TNIK: variants seen among roughly 807,000 people sequenced by gnomAD.
TNIK encodes TRAF2 and NCK-interacting protein kinase.
In TNIK, 49 loss-of-function variants were observed where a neutral mutation model predicts 191.3. The observed-to-expected ratio is 0.26, with a 90% CI of 0.20 to 0.32. The LOEUF is 0.32. Among genes scored for constraint, TNIK ranks in the 10% least tolerant of loss-of-function variants. TNIK has a pLI of 1.00. For synonymous variants in TNIK, 594 were observed against 600.9 expected (o/e 0.99, Z 0.17); for missense variants, 1,155 against 1,702.3 (o/e 0.68, Z 5.66).
chr3:171,171,875 G>C (rs1735333749), intron 9 of TNIK, among the ~76,000 whole-genome samples: 1 of 152,170 alleles, frequency 6.6e-6, no homozygotes, highest in African/African-American at 2.4e-5. Context: ...GAGGTAGAGG[G>C]TGAGAGTATC....
At chr3:171,120,109 T>C (rs1452885157) in intron 18 of TNIK, among the ~76,000 whole-genome samples, 1 of 152,168 alleles carries the variant, frequency 6.6e-6, no homozygotes, top group Non-Finnish European at 1.5e-5. Flanking sequence ...TGCATACTGA[T>C]CATTTTAATT....
chr3:171,167,148 C>A lies in TNIK; in HGVS notation c.896G>T (p.Arg299Leu), dbSNP rs746542637. ...ATCAATATGGTCCTTGAGTTGAATG[C>A]GGACCTGTCGCTCATTAGGTTGGTC... ...IRDQPNERQV[R>L]IQLKDHIDRT... Residue 299 changes from arginine to leucine, a missense_variant, in exon 10 of 33, where the codon CGC (arginine) becomes CTC (leucine). Physicochemically the swap from Arg to Leu is moderately radical, Grantham distance 102 (BLOSUM62 -2). This residue lies in a region of TNIK where 225 missense variants were observed against 438.9 expected (regional missense o/e 0.51). Transcript: ENST00000436636. 2 of 1,613,668 alleles carry A rather than the reference C, an allele frequency of 1.2e-6. No homozygotes were observed. The highest frequency in any genetic ancestry group is 1.3e-5 in the African/African-American group (1 of 74,906).
chr3:171,392,203 T>A (rs1233670570), intron 1 of TNIK, among the ~76,000 whole-genome samples: 1 of 152,136 alleles, frequency 6.6e-6, no homozygotes, highest in Non-Finnish European at 1.5e-5. Flanking sequence ...CAGGAAATAC[T>A]GGGAAATAGG....
rs1378480630 is a variant in TNIK at position 171,063,983 on chromosome 3, A to T, written c.4000-19T>A. 3.7e-6 allele frequency: 6 copies of T among 1,611,156 alleles called. No homozygotes were observed. The African/African-American group carries it at 5.3e-5, about 14-fold the overall frequency. ...AAAATACCTGTTTGAAATTAAAAAG[A>T]AGTTAGTTCAACTGCATGGTCTTTT... is the stretch of plus-strand genomic sequence containing the variant. On this transcript the variant is annotated intron_variant, in intron 32 of 32. Coordinates refer to ENST00000436636, the MANE Select transcript of TNIK (RefSeq NM_015028.4).
At chr3:171,375,912 A>G (rs774409119) in intron 1 of TNIK, among the ~76,000 whole-genome samples, 1 of 152,132 alleles carries the variant, frequency 6.6e-6, no homozygotes, top group Non-Finnish European at 1.5e-5. Flanking sequence ...CTGTGACAGA[A>G]TCTTTTACTT....
At chr3:171,288,918 C>G (rs1385162336) in intron 2 of TNIK, among the ~76,000 whole-genome samples, 1 of 151,078 alleles carries the variant, frequency 6.6e-6, no homozygotes, top group Non-Finnish European at 1.5e-5. Context: ...GAAATGAAAT[C>G]TTTTTGAAAA....
chr3:171,161,911 C>T (rs1025527040), intron 10 of TNIK, among the ~76,000 whole-genome samples: 1 of 151,942 alleles, frequency 6.6e-6, no homozygotes, highest in African/African-American at 2.4e-5. Context: ...CAGAGCGAGG[C>T]CCTGTCTCAA....
chr3:171,229,803 A>T (rs945425709), intron 2 of TNIK, among the ~76,000 whole-genome samples: 3 of 152,092 alleles, frequency 2.0e-5, no homozygotes, highest in Non-Finnish European at 2.9e-5. Context: ...AGCACAAAGA[A>T]GGGGACAGTA....
intron 2 of TNIK, among the ~76,000 whole-genome samples, chr3:171,339,152 C>T (rs986429788): frequency 1.3e-5 from 2 of 152,318 alleles, no homozygotes; most frequent in Middle Eastern, 6.8e-3. Flanking sequence ...AGTTACCTCC[C>T]ATCTCCTACA....
intron 2 of TNIK, among the ~76,000 whole-genome samples, chr3:171,337,107 T>C (rs1046040723): frequency 2.6e-5 from 4 of 152,074 alleles, no homozygotes; most frequent in African/African-American, 9.7e-5. Flanking sequence ...CAACCAAACA[T>C]GAAAGAGAAC....
intron 1 of TNIK, among the ~76,000 whole-genome samples, chr3:171,448,783 G>C (rs1262291769): frequency 6.6e-6 from 1 of 151,824 alleles, no homozygotes; most frequent in Non-Finnish European, 1.5e-5. Flanking sequence ...TTTGAGTTCC[G>C]GGATACATGT....
chr3:171,323,052 A>G (rs1203718389), intron 2 of TNIK, among the ~76,000 whole-genome samples: 1 of 145,114 alleles, frequency 6.9e-6, no homozygotes, highest in Non-Finnish European at 1.5e-5. Flanking sequence ...TTTAATTGGA[A>G]CACAGCCATT....
At chr3:171,211,641 G>A (rs192019078) in intron 3 of TNIK, among the ~76,000 whole-genome samples, 54 of 152,252 alleles carry the variant, frequency 3.5e-4, no homozygotes, top group South Asian at 8.3e-4. Flanking sequence ...TATTAAAACC[G>A]TGGGCGCTCA....
intron 21 of TNIK, among the ~76,000 whole-genome samples, chr3:171,103,244 C>T (rs1192247447): frequency 1.3e-5 from 2 of 151,924 alleles, no homozygotes; most frequent in African/African-American, 4.8e-5. Context: ...GTATTTGCTC[C>T]ATCTGTGAAA....
At chr3:171,125,872 T>G in intron 17 of TNIK, 40 bp downstream of exon 17, 1 of 1,605,318 alleles carries the variant, frequency 6.2e-7, no homozygotes, top group Non-Finnish European at 8.5e-7. Flanking sequence ...AAATCATCAG[T>G]GATGCTGGTG....
chr3:171,305,317 T>G (rs1171759213), intron 2 of TNIK, among the ~76,000 whole-genome samples: 2 of 152,042 alleles, frequency 1.3e-5, no homozygotes, highest in East Asian at 3.9e-4. Flanking sequence ...AAGAAAATAT[T>G]TCATCTGGGC....
chr3:171,378,872 T>A (rs961839270), intron 1 of TNIK, among the ~76,000 whole-genome samples: 37 of 152,180 alleles, frequency 2.4e-4, no homozygotes, highest in African/African-American at 8.7e-4. Flanking sequence ...AGTGGCAGAG[T>A]TAAATGAAGA....
Position 171,128,736 on chromosome 3 carries a change from A to G in TNIK, c.1751T>C (p.Met584Thr), listed in dbSNP as rs759507285. 1.2e-5 allele frequency: 20 copies of G among 1,613,712 alleles called. No homozygotes were observed. The highest frequency in any genetic ancestry group is 4.4e-5 in the South Asian group (4 of 91,008). ...TACCTGGGGATCGACTGGTCTGAGC[A>G]TGGGGGGTGTTCGAGCAGGCTGAAC... is the stretch of plus-strand genomic sequence containing the variant. ...SGVQPARTPP[M>T]LRPVDPQIPH... is the part of the protein sequence containing the mutation. Residue 584 changes from methionine (M) to threonine (T), a missense_variant, in exon 16 of 33, where the codon ATG becomes ACG. This residue lies in a region of TNIK where 735 missense variants were observed against 848.0 expected (regional missense o/e 0.87). Transcript: ENST00000436636.
intron 4 of TNIK, 56 bp downstream of exon 4, chr3:171,211,060 A>G: frequency 2.5e-6 from 4 of 1,597,664 alleles, no homozygotes; most frequent in Non-Finnish European, 3.4e-6. Flanking sequence ...AAAATGAACC[A>G]TTTGGCCGTG....
Sources: allele counts gnomAD v4.1 joint callset (sites outside exome capture counted in the v4.1 genomes callset), GRCh38; gene constraint gnomAD v4.1.1; regional missense constraint gnomAD v4.1.1; transcripts MANE v1.5; gene names NCBI Gene and HGNC (gene_info 2026-07-23, HGNC 2026-07-21).